ALDH3B2: variants seen among roughly 807,000 people sequenced by gnomAD.
ALDH3B2 encodes aldehyde dehydrogenase 3 family member B2, also known as aldehyde dehydrogenase family 3 member B2.
Under a neutral mutation model 36.7 loss-of-function variants are expected in ALDH3B2, and 45 were observed. The observed-to-expected ratio is 1.23, with a 90% CI of 0.97 to 1.57. The LOEUF (loss-of-function observed/expected upper bound fraction) is 1.57. ALDH3B2 is among the 40% of genes most tolerant of loss of function. ALDH3B2 has a pLI of 0.00. For missense variants in ALDH3B2, 464 were observed against 513.3 expected, an observed-to-expected ratio of 0.90 and a Z score of 0.93; for synonymous variants, 217 against 226.5, an observed-to-expected ratio of 0.96 and a Z score of 0.38.
chr11:67,671,568 C>T (rs182026530), intron 1 of ALDH3B2, among the ~76,000 whole-genome samples: 83 of 131,456 alleles, frequency 6.3e-4, no homozygotes, highest in African/African-American at 2.1e-3. Flanking sequence ...TTTTTTGGAA[C>T]GGAGTTTCGC....
chr11:67,669,040 G>A (rs1005072681), intron 1 of ALDH3B2, among the ~76,000 whole-genome samples: 1 of 149,188 alleles, frequency 6.7e-6, no homozygotes, highest in African/African-American at 2.5e-5. Context: ...TGTGTGTATG[G>A]ATGTCTGTGT....
At chr11:67,668,428 G>A (rs1855981184) in intron 1 of ALDH3B2, among the ~76,000 whole-genome samples, 1 of 152,144 alleles carries the variant, frequency 6.6e-6, no homozygotes, top group Non-Finnish European at 1.5e-5. Flanking sequence ...GTGGGGGAAG[G>A]GGCTCAGGGG....
At chr11:67,666,478 T>A in intron 4 of ALDH3B2, 77 bp from the exon 5 acceptor site, 1 of 1,603,064 alleles carries the variant, frequency 6.2e-7, no homozygotes. Context: ...TCAGAGGGCA[T>A]GTGAGGCCCA....
At position 67,666,716 on chromosome 11, in the gene ALDH3B2, G is replaced by A. The variant is rs116571818; in HGVS notation, c.31-22C>T. ...TGAACTGAGGCACAGGGTAGACAGT[G>A]AGGCCCTGCCAAGGGCCACCCCAAA... On this transcript the variant is annotated intron_variant, in intron 3 of 9. Transcript: ENST00000349015. The A allele has an allele frequency of 3.0e-3, 4,776 of 1,613,634 alleles. 119 individuals carry two copies. In the African/African-American group the frequency reaches 0.055, roughly 18 times the overall value.
At position 67,666,418 on chromosome 11, in the gene ALDH3B2, G is replaced by C. The variant is rs1406156850; in HGVS notation, c.152-17C>G. Reference sequence around the variant, plus strand: ...CGCAACTCCCTGCAGGGGCAGATGGGGACGTCGTTGGGGGAGCCCAGGGTC... The same window carrying C: ...CGCAACTCCCTGCAGGGGCAGATGGCGACGTCGTTGGGGGAGCCCAGGGTC... On this transcript the variant is annotated splice_polypyrimidine_tract_variant and intron_variant, in intron 4 of 9. Transcript: ENST00000349015. 4.4e-6 allele frequency: 7 copies of C among 1,607,878 alleles called. No homozygotes were observed. Among genetic ancestry groups the C allele is most frequent in the Non-Finnish European group, 5.9e-6 (7 of 1,177,222 alleles).
intron 1 of ALDH3B2, among the ~76,000 whole-genome samples, chr11:67,672,089 GTA>G (rs1856137425): frequency 1.3e-5 from 1 of 74,336 alleles, no homozygotes; most frequent in Admixed American, 1.5e-4. Context: ...ATATATATAT[GTA>G]TGTATGTATT....
At chr11:67,665,606 C>T (rs756272279) in exon 7 of ALDH3B2, 8 of 1,614,000 alleles carry the variant, frequency 5.0e-6, no homozygotes, top group African/African-American at 1.3e-5. Flanking sequence ...CCCCCCAGCT[C>T]CAGGGTGACA....
chr11:67,670,007 C>T (rs374976679), intron 1 of ALDH3B2, among the ~76,000 whole-genome samples: 3 of 37,528 alleles, frequency 8.0e-5, no homozygotes, highest in African/African-American at 3.4e-4. Context: ...TGTGTGTCCA[C>T]GTGTGTCTGT....
intron 7 of ALDH3B2, among the ~76,000 whole-genome samples, 186 bp from the exon 8 acceptor site, chr11:67,664,748 C>T (rs977731124): frequency 2.0e-5 from 3 of 152,192 alleles, no homozygotes; most frequent in East Asian, 1.9e-4. Flanking sequence ...CAGAAGGGAC[C>T]CTAGGGCTTC....
At chr11:67,665,723 G>C (rs1855890152) in intron 6 of ALDH3B2, 52 bp from the exon 7 acceptor site, 2 of 1,560,862 alleles carry the variant, frequency 1.3e-6, no homozygotes, top group South Asian at 1.2e-5. Flanking sequence ...GACCAGGCAG[G>C]ATGGCCCAGC....
exon 4 of ALDH3B2, chr11:67,666,659 T>C: frequency 6.2e-7 from 1 of 1,613,696 alleles, no homozygotes; most frequent in South Asian, 1.1e-5. Flanking sequence ...GGCCAAAGGG[T>C]TCCTTCCAGA....
chr11:67,676,884 C>A (rs1291131011), upstream of ALDH3B2, among the ~76,000 whole-genome samples: 1 of 152,014 alleles, frequency 6.6e-6, no homozygotes, highest in Non-Finnish European at 1.5e-5. Flanking sequence ...AAAATACAAC[C>A]CCCCTAGTTT....
In ALDH3B2 at chr11:67,666,148, T is replaced by A. The variant is rs1184625784; in HGVS notation, c.293A>T (p.His98Leu). ...TGTGAAGAAGATGTAGTCCAACTTG[T>A]GCTCTAGCAGCTGCCCTGTCTCCTG... The change falls in exon 6 of 10, where the codon CAC (histidine) becomes CTC (leucine). Residue 98 changes from histidine (H) to leucine (L), a missense_variant. By Grantham distance (99) the His-to-Leu change is moderately conservative. Transcript: ENST00000349015. The A allele has an allele frequency of 1.2e-5, 20 of 1,614,064 alleles. No homozygotes were observed. The South Asian group carries it at 2.2e-4, about 18-fold the overall frequency.
At chr11:67,665,432 T>C (rs1179845035) in exon 7 of ALDH3B2, 2 of 1,613,828 alleles carry the variant, frequency 1.2e-6, no homozygotes, top group South Asian at 1.1e-5. Context: ...AAACGGGTGA[T>C]GGTGCTCTGC....
chr11:67,673,273 C>T (rs1370779701), intron 1 of ALDH3B2, among the ~76,000 whole-genome samples: 1 of 152,216 alleles, frequency 6.6e-6, no homozygotes, highest in Non-Finnish European at 1.5e-5. Context: ...CTGGGGACCT[C>T]TGGCTGCTCA....
chr11:67,675,300 G>A (rs1370773551), upstream of ALDH3B2, among the ~76,000 whole-genome samples: 3 of 152,184 alleles, frequency 2.0e-5, no homozygotes, highest in Admixed American at 1.3e-4. Context: ...TTCTTGAGAG[G>A]GTCACAGAGG....
At chr11:67,678,650 T>TATATATATAC (rs925977700), upstream of ALDH3B2, among the ~76,000 whole-genome samples, 1 of 150,436 alleles carries the variant, frequency 6.6e-6, no homozygotes, top group African/African-American at 2.4e-5. Context: ...TATATATATA[T>TATATATATAC]ACACTATGAT....
rs560092704 is a variant in ALDH3B2 at position 67,664,439 on chromosome 11, T to C, written c.830A>G (p.Gln277Arg). 5.8e-5 allele frequency: 94 copies of C among 1,614,148 alleles called. No individual in the cohort carries two copies. Among genetic ancestry groups the C allele is most frequent in the East Asian group, 2.0e-4 (9 of 44,880 alleles). The change falls in exon 8 of 10, where the codon CAG (glutamine) becomes CGG (arginine). Residue 277 changes from glutamine (Q) to arginine (R), a missense_variant. Gln to Arg is a conservative substitution (Grantham distance 43, BLOSUM62 1). Coordinates refer to ENST00000349015, the Ensembl canonical transcript of ALDH3B2. ...GGCGTACAGGGCCAGGGGCTTCTCCTGCCGGTTGATGAACTTGATGGCCTC... is the reference window on the plus strand; with the variant it reads ...GGCGTACAGGGCCAGGGGCTTCTCCCGCCGGTTGATGAACTTGATGGCCTC...
chr11:67,662,951 A>C, exon 10 of ALDH3B2: 3 of 492,110 alleles, frequency 6.1e-6, no homozygotes, highest in Non-Finnish European at 7.2e-6. Flanking sequence ...CGAGAGGGCA[A>C]AGGGCTGGAA....
Sources: allele counts gnomAD v4.1 joint callset (sites outside exome capture counted in the v4.1 genomes callset), GRCh38; gene constraint gnomAD v4.1.1; transcripts MANE v1.5; gene names NCBI Gene and HGNC (gene_info 2026-07-23, HGNC 2026-07-21).